The following SGIP1 variants were observed in gnomAD, a reference collection of about 807,000 sequenced individuals.
The protein encoded by SGIP1 is SH3GL interacting endocytic adaptor 1.
A neutral mutation model predicts 107.5 loss-of-function variants in SGIP1; 38 were observed. The ratio of observed to expected loss-of-function variants is 0.35; its 90% CI spans 0.27 to 0.46. The LOEUF (loss-of-function observed/expected upper bound fraction) is 0.46. SGIP1 is among the 20% of genes least tolerant of loss of function. SGIP1 has a pLI of 1.00. For missense variants in SGIP1, 929 were observed against 1,019.5 expected (o/e 0.91, Z 1.21); for synonymous variants, 365 against 366.1 (o/e 1.00, Z 0.03).
At position 66,543,033 on chromosome 1, in the gene SGIP1, T is replaced by C. The variant is rs183144302; in HGVS notation, c.10+8665T>C. Among the ~76,000 whole-genome samples, 6 of 152,362 alleles carry C rather than the reference T, an allele frequency of 3.9e-5. No homozygotes were observed. The East Asian group carries it at 1.2e-3, about 29-fold the overall frequency. ...ATGTTTCAAAAGCCTTCTTCAGAAC[T>C]AAGCAAGTTAATTTTATTATCAGGT... On this transcript the variant is annotated intron_variant, in intron 1 of 24. Coordinates refer to ENST00000371037, the MANE Select transcript of SGIP1 (RefSeq NM_032291.4).
chr1:66,576,701 CTCCTCT>C (rs1432290968), intron 1 of SGIP1, among the ~76,000 whole-genome samples: 2 of 152,128 alleles, frequency 1.3e-5, no homozygotes, highest in Non-Finnish European at 2.9e-5. Flanking sequence ...TCTTCTCCTT[CTCCTCT>C]TCCTCTTCTC....
chr1:66,589,676 A>G (rs2063317078), intron 1 of SGIP1, among the ~76,000 whole-genome samples: 1 of 152,174 alleles, frequency 6.6e-6, no homozygotes. Flanking sequence ...AATTCTCAAC[A>G]AATGAGAGTG....
chr1:66,750,049 G>A lies in SGIP1; in HGVS notation c.*6954G>A, dbSNP rs1266371933. ...TGTGTGTGTGGGGGTGTGTGTGTGTGTGTGTGTGTGTGTGTGTGTCTCTTT... is the reference window on the plus strand; with the variant it reads ...TGTGTGTGTGGGGGTGTGTGTGTGTATGTGTGTGTGTGTGTGTGTCTCTTT... On this transcript the variant is annotated 3_prime_UTR_variant, in exon 25 of 25. Transcript: ENST00000371037. 6.7e-6 allele frequency among the ~76,000 whole-genome samples: 1 copy of A among 150,162 alleles called. No homozygotes were observed. The highest frequency in any genetic ancestry group is 1.5e-5 in the Non-Finnish European group (1 of 67,774).
chr1:66,596,332 G>A (rs1385852065), intron 1 of SGIP1, among the ~76,000 whole-genome samples: 1 of 152,102 alleles, frequency 6.6e-6, no homozygotes, highest in Non-Finnish European at 1.5e-5. Flanking sequence ...AGGGTGGGTG[G>A]GGTGGTTCCC....
chr1:66,537,834 G>T (rs1479945093), intron 1 of SGIP1, among the ~76,000 whole-genome samples: 2 of 151,622 alleles, frequency 1.3e-5, no homozygotes, highest in Non-Finnish European at 2.9e-5. Context: ...AATGCATTGA[G>T]GCAAAAAAAT....
intron 1 of SGIP1, among the ~76,000 whole-genome samples, chr1:66,616,340 T>C (rs765689024): frequency 1.3e-5 from 2 of 152,300 alleles, no homozygotes; most frequent in Middle Eastern, 3.4e-3. Context: ...TTAGTGTCTT[T>C]TATGTGATCT....
chr1:66,630,845 A>AAGAGAGAGAGAGAGAGAGAG (rs1432133509), intron 2 of SGIP1, among the ~76,000 whole-genome samples: 1 of 25,202 alleles, frequency 4.0e-5, no homozygotes, highest in African/African-American at 1.9e-4. Context: ...GAAAGAAAGA[A>AAGAGAGAGAGAGAGAGAGAG]AGAAAGAAAG....
intron 1 of SGIP1, among the ~76,000 whole-genome samples, chr1:66,615,555 A>G (rs1215319317): frequency 1.3e-5 from 2 of 152,222 alleles, no homozygotes; most frequent in Non-Finnish European, 2.9e-5. Flanking sequence ...GAAATATGAA[A>G]AGGAAAGGGC....
At chr1:66,539,011 T>G (rs1034105058) in intron 1 of SGIP1, among the ~76,000 whole-genome samples, 1 of 152,224 alleles carries the variant, frequency 6.6e-6, no homozygotes, top group African/African-American at 2.4e-5. Context: ...CTCATACTTG[T>G]GGCTTATCTT....
intron 2 of SGIP1, among the ~76,000 whole-genome samples, chr1:66,630,329 C>T (rs57572851): frequency 0.14 from 21,764 of 152,044 alleles, 1,616 homozygotes; most frequent in African/African-American, 0.18. Context: ...GAGCTTTTGC[C>T]GCATCTATTT....
intron 1 of SGIP1, among the ~76,000 whole-genome samples, chr1:66,584,622 G>A (rs536885613): frequency 6.6e-6 from 1 of 152,232 alleles, no homozygotes; most frequent in East Asian, 1.9e-4. Context: ...TCCTTAGCAG[G>A]TTGTAATTTT....
intron 1 of SGIP1, among the ~76,000 whole-genome samples, chr1:66,554,774 A>G (rs1281048718): frequency 6.6e-6 from 1 of 152,156 alleles, no homozygotes; most frequent in East Asian, 1.9e-4. Flanking sequence ...CTGGGTCCCA[A>G]GCATTTTGGA....
chr1:66,606,127 G>T (rs190280782), intron 1 of SGIP1, among the ~76,000 whole-genome samples: 9 of 152,268 alleles, frequency 5.9e-5, no homozygotes, highest in Admixed American at 5.2e-4. Context: ...TACTAGGCCT[G>T]TAGTCAAGCT....
At chr1:66,589,787 C>G (rs2063334800) in intron 1 of SGIP1, among the ~76,000 whole-genome samples, 1 of 152,146 alleles carries the variant, frequency 6.6e-6, no homozygotes, top group Admixed American at 6.5e-5. Flanking sequence ...TTAAACCCTC[C>G]ATGGCCTATA....
At chr1:66,577,756 CTGTGTGTGTGTGTGTGTGTGTGTGTGTG>C (rs6143251) in intron 1 of SGIP1, among the ~76,000 whole-genome samples, 1 of 144,984 alleles carries the variant, frequency 6.9e-6, no homozygotes, top group Non-Finnish European at 1.5e-5. Flanking sequence ...TAATGCAGTC[CTGTGTGTGTGTGTGTGTGTGTGTGTGTG>C]TGTGTGTGTG....
chr1:66,629,655 T>C (rs1213737402), intron 2 of SGIP1, among the ~76,000 whole-genome samples: 1 of 152,118 alleles, frequency 6.6e-6, no homozygotes, highest in African/African-American at 2.4e-5. Context: ...GATGATTCTT[T>C]TTAAAATAGA....
intron 1 of SGIP1, among the ~76,000 whole-genome samples, chr1:66,604,995 G>T (rs905628065): frequency 6.6e-6 from 1 of 152,046 alleles, no homozygotes; most frequent in African/African-American, 2.4e-5. Flanking sequence ...TCTCTAAACT[G>T]GTCTCCTTAT....
At chr1:66,741,143 A>G in intron 23 of SGIP1, 129 bp from the exon 24 acceptor site, 1 of 968,696 alleles carries the variant, frequency 1.0e-6, no homozygotes, top group Non-Finnish European at 1.5e-6. Flanking sequence ...TCAATGATAA[A>G]CTCATTTAAT....
In SGIP1 at chr1:66,673,361, C is replaced by A; in HGVS notation, c.641C>A (p.Thr214Lys). ...GAATCAGCTTTTGATGAACAGAAGA[C>A]AGAAGGTAGGAAAAGAAACTCCATA... Reference protein sequence around the residue: ...PLESAFDEQKTEVLLDQPEIW... With the variant: ...PLESAFDEQKKEVLLDQPEIW... Residue 214 changes from threonine to lysine, a missense_variant, in exon 12 of 25, where the codon ACA (threonine) becomes AAA (lysine). Coordinates refer to ENST00000371037, the MANE Select transcript of SGIP1 (RefSeq NM_032291.4). 6.2e-7 allele frequency: 1 copy of A among 1,600,090 alleles called. No homozygotes were observed. Among genetic ancestry groups the A allele is most frequent in the Non-Finnish European group, 8.5e-7 (1 of 1,176,704 alleles).
Sources: gnomAD v4.1 joint callset for allele counts (sites outside exome capture counted in the v4.1 genomes callset) on GRCh38, gnomAD v4.1.1 for gene constraint, MANE v1.5 for transcripts, NCBI Gene and HGNC (gene_info 2026-07-23, HGNC 2026-07-21) for gene names.